NCALD: variants seen among roughly 807,000 people sequenced by gnomAD.
NCALD encodes neurocalcin delta, also known as neurocalcin-delta.
In NCALD, 10 loss-of-function variants were observed where a neutral mutation model predicts 18.6. The observed-to-expected ratio is 0.54, with a 90% CI of 0.33 to 0.91. The LOEUF (loss-of-function observed/expected upper bound fraction) is 0.91, where lower values mean the gene tolerates loss of function less well. Ranked by LOEUF, NCALD falls within the 40% of genes least tolerant of loss-of-function variation. The pLI is 0.03. For missense variants in NCALD, 184 were observed against 247.6 expected (o/e 0.74, Z 1.72); for synonymous variants, 88 against 87.4 (o/e 1.01, Z -0.04).
At chr8:102,058,616 T>C (rs1301881075) in intron 1 of NCALD, among the ~76,000 whole-genome samples, 1 of 152,216 alleles carries the variant, frequency 6.6e-6, no homozygotes, top group Non-Finnish European at 1.5e-5. Context: ...TCTCCCTCGC[T>C]CTTGGCCTTG....
intron 2 of NCALD, among the ~76,000 whole-genome samples, chr8:101,968,756 C>T (rs555567415): frequency 1.4e-4 from 22 of 152,264 alleles, no homozygotes; most frequent in African/African-American, 5.3e-4. Flanking sequence ...CTGGTCCAAA[C>T]AGCATATGCC....
intron 4 of NCALD, among the ~76,000 whole-genome samples, chr8:101,828,205 C>A (rs934336914): frequency 1.3e-5 from 2 of 152,268 alleles, no homozygotes; most frequent in Non-Finnish European, 2.9e-5. Context: ...AAACATGAGG[C>A]AGACCATGTC....
chr8:101,814,488 T>TA (rs1813420736), intron 4 of NCALD, among the ~76,000 whole-genome samples: 1 of 152,118 alleles, frequency 6.6e-6, no homozygotes, highest in African/African-American at 2.4e-5. Flanking sequence ...GGAATGTTCC[T>TA]AACTTGACAA....
At chr8:102,109,800 TA>T (rs1825585276) in intron 1 of NCALD, among the ~76,000 whole-genome samples, 1 of 152,142 alleles carries the variant, frequency 6.6e-6, no homozygotes, top group African/African-American at 2.4e-5. Flanking sequence ...CAAGATACTA[TA>T]AAGTAAAATA....
intron 2 of NCALD, among the ~76,000 whole-genome samples, chr8:102,017,784 T>C (rs1228041614): frequency 6.6e-6 from 1 of 152,208 alleles, no homozygotes; most frequent in Non-Finnish European, 1.5e-5. Context: ...TTCTACTCTT[T>C]GAATGAGACT....
chr8:101,741,971 G>A (rs1290683352), intron 1 of NCALD, among the ~76,000 whole-genome samples: 33 of 69,370 alleles, frequency 4.8e-4, no homozygotes, highest in Non-Finnish European at 1.2e-3. Context: ...AAAAAAAAAA[G>A]GGCCGGGTGC....
At chr8:102,033,389 C>T (rs1822750662) in intron 1 of NCALD, among the ~76,000 whole-genome samples, 1 of 152,094 alleles carries the variant, frequency 6.6e-6, no homozygotes, top group East Asian at 1.9e-4. Context: ...AGTGGTATTC[C>T]TCCCATATCT....
At chr8:101,804,119 G>A (rs944135809) in intron 4 of NCALD, among the ~76,000 whole-genome samples, 1 of 151,746 alleles carries the variant, frequency 6.6e-6, no homozygotes, top group African/African-American at 2.4e-5. Context: ...AGGCTCAGAC[G>A]ATCATTAGTA....
chr8:101,920,231 C>T (rs1250775253), intron 2 of NCALD, among the ~76,000 whole-genome samples: 2 of 151,832 alleles, frequency 1.3e-5, no homozygotes, highest in Non-Finnish European at 2.9e-5. Flanking sequence ...CACTCCAGCC[C>T]GAGTGAAACA....
intron 2 of NCALD, among the ~76,000 whole-genome samples, chr8:102,012,969 T>G (rs73697417): frequency 6.6e-6 from 1 of 152,100 alleles, no homozygotes; most frequent in Non-Finnish European, 1.5e-5. Context: ...TCAGATATTT[T>G]TATATATACA....
intron 2 of NCALD, among the ~76,000 whole-genome samples, chr8:101,982,414 T>C (rs1266623610): frequency 6.6e-6 from 1 of 152,214 alleles, no homozygotes; most frequent in Non-Finnish European, 1.5e-5. Context: ...CAAAGCACTT[T>C]ATAACTATAA....
chr8:101,759,819 T>C (rs1042314525), intron 1 of NCALD, among the ~76,000 whole-genome samples: 2 of 152,066 alleles, frequency 1.3e-5, no homozygotes, highest in East Asian at 1.9e-4. Context: ...CATCTGTCAT[T>C]CGGGGCATCA....
At chr8:101,941,810 T>C (rs554039495) in intron 2 of NCALD, among the ~76,000 whole-genome samples, 2 of 152,358 alleles carry the variant, frequency 1.3e-5, no homozygotes, top group East Asian at 1.9e-4. Context: ...TCAGCTATTT[T>C]ACAGTCATTA....
At chr8:101,716,099 A>G (rs971885745) in intron 2 of NCALD, among the ~76,000 whole-genome samples, 2 of 152,250 alleles carry the variant, frequency 1.3e-5, no homozygotes, top group Non-Finnish European at 2.9e-5. Context: ...CTGGATAAAG[A>G]AAATGTAGCA....
At chr8:101,991,755 G>T (rs1055542415) in intron 2 of NCALD, among the ~76,000 whole-genome samples, 1 of 152,150 alleles carries the variant, frequency 6.6e-6, no homozygotes, top group Admixed American at 6.5e-5. Context: ...TAGAAGAATG[G>T]AACAAATCTG....
At chr8:101,732,953 A>G (rs1816909095) in intron 1 of NCALD, among the ~76,000 whole-genome samples, 1 of 152,088 alleles carries the variant, frequency 6.6e-6, no homozygotes, top group Admixed American at 6.6e-5. Context: ...TGTAGAATTG[A>G]TGTGAGATAT....
At chr8:101,927,018 A>G (rs1818359102) in intron 2 of NCALD, among the ~76,000 whole-genome samples, 1 of 152,184 alleles carries the variant, frequency 6.6e-6, no homozygotes, top group Non-Finnish European at 1.5e-5. Context: ...ATTAACAGAC[A>G]CTGGCCCTGT....
chr8:101,743,040 T>C (rs1810279337), intron 1 of NCALD, among the ~76,000 whole-genome samples: 1 of 152,214 alleles, frequency 6.6e-6, no homozygotes, highest in African/African-American at 2.4e-5. Context: ...TCTAAATATA[T>C]ATTTACATAT....
chr8:102,056,860 T>A (rs1563580067), intron 1 of NCALD, among the ~76,000 whole-genome samples: 1 of 152,220 alleles, frequency 6.6e-6, no homozygotes, highest in Non-Finnish European at 1.5e-5. Flanking sequence ...AAAATAGGAT[T>A]TACATCACTG....
Sources: allele counts gnomAD v4.1 joint callset (sites outside exome capture counted in the v4.1 genomes callset), GRCh38; gene constraint gnomAD v4.1.1; transcripts MANE v1.5; gene names NCBI Gene and HGNC (gene_info 2026-07-23, HGNC 2026-07-21).